Variants in ACOXL observed in about 807,000 individuals in gnomAD.
ACOXL encodes the protein acyl-CoA oxidase like.
Under a neutral mutation model 71.9 loss-of-function variants are expected in ACOXL, and 70 were observed. The ratio of observed to expected loss-of-function variants is 0.97; its 90% CI spans 0.80 to 1.19. The LOEUF (loss-of-function observed/expected upper bound fraction) is 1.19, where lower values mean the gene tolerates loss of function less well. ACOXL is among the 50% of genes most tolerant of loss of function. ACOXL has a pLI of 0.00. For synonymous variants in ACOXL, 253 were observed against 281.6 expected (o/e 0.90, Z 1.02); for missense variants, 703 against 736.3 (o/e 0.95, Z 0.52).
At chr2:110,952,038 G>C (rs2149411163) in intron 12 of ACOXL, among the ~76,000 whole-genome samples, 1 of 152,294 alleles carries the variant, frequency 6.6e-6, no homozygotes, top group East Asian at 1.9e-4. Flanking sequence ...TTCTCTGGAA[G>C]AGTTTGTATA....
chr2:111,094,622 G>T (rs72946299), intron 17 of ACOXL, among the ~76,000 whole-genome samples: 58 of 152,322 alleles, frequency 3.8e-4, no homozygotes, highest in African/African-American at 1.3e-3. Context: ...GGGCAGAGCT[G>T]TCATGTCCTA....
chr2:110,872,962 A>G (rs1185626994), intron 10 of ACOXL, among the ~76,000 whole-genome samples: 1 of 152,234 alleles, frequency 6.6e-6, no homozygotes, highest in Non-Finnish European at 1.5e-5. Flanking sequence ...AGTTATGCTC[A>G]AAATATATTT....
At position 111,097,270 on chromosome 2, in the gene ACOXL, G is replaced by A. The variant is rs924335701; in HGVS notation, c.1542+4304G>A. ...AGCCCCCTGTTCTCAGAAATAGAAAGTTGCTTCATTGTTATTCTATATGAC... is the reference window on the plus strand; with the variant it reads ...AGCCCCCTGTTCTCAGAAATAGAAAATTGCTTCATTGTTATTCTATATGAC... On this transcript the variant is annotated intron_variant, in intron 17 of 17. Transcript: ENST00000439055. 7.9e-5 allele frequency among the ~76,000 whole-genome samples: 12 copies of A among 152,138 alleles called. No homozygotes were observed. The South Asian group carries it at 8.3e-4, about 11-fold the overall frequency.
chr2:110,949,813 G>C lies in ACOXL; in HGVS notation c.1059+16171G>C, dbSNP rs181940784. Among the ~76,000 whole-genome samples, 8 of 152,266 alleles carry C rather than the reference G, an allele frequency of 5.3e-5. No homozygotes were observed. In the East Asian group the frequency reaches 1.5e-3, roughly 29 times the overall value. ...TGGAAGGACGAACAAGGCCAGAAGT[G>C]AGATGTTATTTCTCCAAATCTACTG... On this transcript the variant is annotated intron_variant, in intron 12 of 17. Transcript: ENST00000439055.
chr2:110,881,052 G>A (rs1042194082), intron 10 of ACOXL, among the ~76,000 whole-genome samples: 1 of 151,874 alleles, frequency 6.6e-6, no homozygotes, highest in Non-Finnish European at 1.5e-5. Flanking sequence ...GAGATCATTA[G>A]AAGATTATTT....
chr2:110,749,326 T>A (rs750583055), intron 1 of ACOXL, among the ~76,000 whole-genome samples: 9 of 152,226 alleles, frequency 5.9e-5, no homozygotes, highest in Non-Finnish European at 1.2e-4. Flanking sequence ...TGCAATAATT[T>A]TCAGTGTATA....
chr2:110,900,559 A>C (rs1335798882), intron 10 of ACOXL, among the ~76,000 whole-genome samples: 1 of 152,184 alleles, frequency 6.6e-6, no homozygotes, highest in Non-Finnish European at 1.5e-5. Context: ...GTCTGTGTGC[A>C]AACCAGGTGT....
chr2:110,738,867 G>C (rs1041553754), intron 1 of ACOXL, among the ~76,000 whole-genome samples: 1 of 151,900 alleles, frequency 6.6e-6, no homozygotes, highest in Non-Finnish European at 1.5e-5. Context: ...CTGTGTCCTG[G>C]TGAGATTTTC....
chr2:110,934,833 A>T (rs1487547116), intron 12 of ACOXL, among the ~76,000 whole-genome samples: 1 of 151,950 alleles, frequency 6.6e-6, no homozygotes, highest in Non-Finnish European at 1.5e-5. Flanking sequence ...CTTCATTCCT[A>T]TGGGGTTGTT....
At chr2:110,760,368 T>G (rs1680240732) in intron 1 of ACOXL, among the ~76,000 whole-genome samples, 1 of 152,132 alleles carries the variant, frequency 6.6e-6, no homozygotes, top group South Asian at 2.1e-4. Flanking sequence ...ATGGTCTCGA[T>G]CTCCTGACCT....
intron 11 of ACOXL, among the ~76,000 whole-genome samples, chr2:110,914,147 G>T (rs1278868090): frequency 1.3e-5 from 2 of 152,258 alleles, no homozygotes; most frequent in East Asian, 3.9e-4. Context: ...GAATGCTGTG[G>T]TATGAGAAAT....
chr2:110,844,394 C>T (rs1691535127), intron 10 of ACOXL, among the ~76,000 whole-genome samples: 1 of 152,054 alleles, frequency 6.6e-6, no homozygotes, highest in Admixed American at 6.6e-5. Context: ...CTGGGAAATC[C>T]CCATTTTCCC....
chr2:110,914,898 G>A (rs913399532), intron 11 of ACOXL, among the ~76,000 whole-genome samples: 1 of 152,152 alleles, frequency 6.6e-6, no homozygotes, highest in Non-Finnish European at 1.5e-5. Flanking sequence ...TTATATTTAA[G>A]GGGTACGTGA....
At position 110,841,376 on chromosome 2, in the gene ACOXL, G is replaced by A. The variant is rs1465137084; in HGVS notation, c.759G>A (p.Gly253=). 4 of 1,609,356 alleles carry A rather than the reference G, an allele frequency of 2.5e-6. No individual in the cohort carries two copies. The part of the protein sequence containing the change: ...AFQAMGAMKL[G]LTIAIRYSHS... ...TTCTCTCTTTTTAATTACAGCTTGG[G>A]TTGACGATAGCCATTCGCTATAGCC... The change falls in exon 10 of 18, where the codon GGG becomes GGA. Residue 253 remains glycine (G), a synonymous_variant. Coordinates refer to ENST00000439055, the MANE Select transcript of ACOXL (RefSeq NM_001142807.4).
chr2:110,776,127 A>G (rs1337183317), intron 2 of ACOXL, among the ~76,000 whole-genome samples: 3 of 152,260 alleles, frequency 2.0e-5, no homozygotes, highest in Non-Finnish European at 4.4e-5. Flanking sequence ...TATAACACGT[A>G]TGAACCTGGA....
At position 110,933,402 on chromosome 2, in the gene ACOXL, C is replaced by T. The variant is rs148730335; in HGVS notation, c.906-87C>T. ...GACATCATATTCTTTCCTCAAATAG[C>T]GTTATAGCACTTCACAGATAATGCT... On this transcript the variant is annotated intron_variant, in intron 11 of 17. Coordinates refer to ENST00000439055, the MANE Select transcript of ACOXL (RefSeq NM_001142807.4). The T allele has an allele frequency of 3.7e-5, 54 of 1,448,028 alleles. No homozygotes were observed. In the Middle Eastern group the frequency reaches 1.1e-3, roughly 30 times the overall value. 89.7% of individuals were successfully genotyped at this position (1,448,028 alleles called of 1,614,324 possible).
At chr2:111,077,743 T>C (rs2067673018) in intron 16 of ACOXL, among the ~76,000 whole-genome samples, 1 of 152,244 alleles carries the variant, frequency 6.6e-6, no homozygotes, top group African/African-American at 2.4e-5. Context: ...GAAAAATCTT[T>C]CTGGTCTCTA....
At chr2:110,920,816 A>G (rs1220391603) in intron 11 of ACOXL, among the ~76,000 whole-genome samples, 4 of 152,166 alleles carry the variant, frequency 2.6e-5, no homozygotes, top group African/African-American at 9.7e-5. Flanking sequence ...TCAATACATG[A>G]ACACTGTATA....
chr2:110,777,270 GTGGA>G, intron 2 of ACOXL, among the ~76,000 whole-genome samples: 1 of 152,210 alleles, frequency 6.6e-6, no homozygotes, highest in Non-Finnish European at 1.5e-5. Context: ...AGGCCCAAGG[GTGGA>G]GCCTGGTGGG....
Sources: gnomAD v4.1 joint callset for allele counts (sites outside exome capture counted in the v4.1 genomes callset) on GRCh38, gnomAD v4.1.1 for gene constraint, MANE v1.5 for transcripts, NCBI Gene and HGNC (gene_info 2026-07-23, HGNC 2026-07-21) for gene names.